Variants in MCPH1 observed in about 807,000 individuals in gnomAD.
The protein encoded by MCPH1 is microcephalin.
MCPH1 carries 104 observed loss-of-function variants against 84.5 expected under a neutral mutation model. That is an observed-to-expected ratio of 1.23 (90% CI 1.05 to 1.45). MCPH1 has a LOEUF of 1.45. Among genes scored for constraint, MCPH1 ranks in the 40% most tolerant of loss-of-function variants. MCPH1 has a pLI of 0.00. For synonymous variants in MCPH1, 514 were observed against 366.8 expected (o/e 1.40, Z -4.58); for missense variants, 1,498 against 1,005.7 (o/e 1.49, Z -6.62).
intron 12 of MCPH1, among the ~76,000 whole-genome samples, chr8:6,609,726 C>T (rs1830089273): frequency 6.6e-6 from 1 of 151,554 alleles, no homozygotes. Flanking sequence ...GAGTGAGCCA[C>T]TTCTCATTTC....
intron 13 of MCPH1, chr8:6,624,867 T>C: frequency 1.0e-6 from 1 of 983,648 alleles, no homozygotes; most frequent in Non-Finnish European, 1.2e-6. Flanking sequence ...CAGAAACAAA[T>C]CATATACTTT....
intron 12 of MCPH1, among the ~76,000 whole-genome samples, chr8:6,533,352 G>C (rs1303354903): frequency 6.6e-6 from 1 of 152,204 alleles, no homozygotes; most frequent in Non-Finnish European, 1.5e-5. Context: ...CAAGACAACT[G>C]AGTACGTGGG....
intron 8 of MCPH1, 61 bp from the exon 9 acceptor site, chr8:6,455,082 G>A: frequency 7.7e-7 from 1 of 1,293,556 alleles, no homozygotes; most frequent in Non-Finnish European, 1.1e-6. Flanking sequence ...TTTTTGTTTT[G>A]CTTAAGTTGT....
intron 12 of MCPH1, among the ~76,000 whole-genome samples, chr8:6,533,832 C>A (rs1287601310): frequency 2.0e-5 from 3 of 152,032 alleles, no homozygotes; most frequent in Admixed American, 6.6e-5. Flanking sequence ...AAATGTTAAC[C>A]ACTAAATAAT....
chr8:6,531,330 C>G (rs1170048234), intron 12 of MCPH1, among the ~76,000 whole-genome samples: 1 of 150,930 alleles, frequency 6.6e-6, no homozygotes, highest in East Asian at 1.9e-4. Flanking sequence ...ACTCTGTTGC[C>G]CAGGCTGGAG....
intron 9 of MCPH1, among the ~76,000 whole-genome samples, chr8:6,469,853 A>C (rs893950357): frequency 6.6e-6 from 1 of 152,108 alleles, no homozygotes; most frequent in Non-Finnish European, 1.5e-5. Flanking sequence ...CTGCTCCCTC[A>C]TCTCTACTCC....
At chr8:6,530,096 T>C (rs938916427) in intron 12 of MCPH1, among the ~76,000 whole-genome samples, 1 of 152,210 alleles carries the variant, frequency 6.6e-6, no homozygotes, top group African/African-American at 2.4e-5. Context: ...TTAAAAATGC[T>C]TATGAGACAT....
At chr8:6,605,254 G>T (rs1829666675) in intron 12 of MCPH1, among the ~76,000 whole-genome samples, 1 of 152,174 alleles carries the variant, frequency 6.6e-6, no homozygotes. Context: ...GCTAGAATCT[G>T]TCCTTCCTGA....
intron 5 of MCPH1, among the ~76,000 whole-genome samples, chr8:6,436,982 A>G (rs1356591911): frequency 6.6e-6 from 1 of 152,110 alleles, no homozygotes; most frequent in Non-Finnish European, 1.5e-5. Context: ...AAAAAAAAGA[A>G]TATTATGAAA....
At chr8:6,613,775 C>G (rs1034676067) in intron 12 of MCPH1, among the ~76,000 whole-genome samples, 1 of 152,056 alleles carries the variant, frequency 6.6e-6, no homozygotes, top group African/African-American at 2.4e-5. Context: ...CGTCTAGCAG[C>G]ACGGGGTGTG....
At chr8:6,503,774 G>A (rs1463929631) in intron 12 of MCPH1, among the ~76,000 whole-genome samples, 1 of 152,280 alleles carries the variant, frequency 6.6e-6, no homozygotes, top group East Asian at 1.9e-4. Flanking sequence ...AGACAAAAAG[G>A]AAATTTAAAG....
chr8:6,514,990 C>T (rs1815969718), intron 12 of MCPH1, among the ~76,000 whole-genome samples: 1 of 152,120 alleles, frequency 6.6e-6, no homozygotes, highest in Non-Finnish European at 1.5e-5. Flanking sequence ...GAAACATAAA[C>T]AGTAATATAA....
In MCPH1 at chr8:6,470,827, A is replaced by T. The variant is rs565638361; in HGVS notation, c.1936-6767A>T. Among the ~76,000 whole-genome samples the T allele has an allele frequency of 2.1e-3, 325 of 152,356 alleles. 2 individuals are homozygous for T. Among genetic ancestry groups the T allele is most frequent in the African/African-American group, 7.6e-3 (316 of 41,580 alleles). ...GTAGAAAATGTAAAGAGGGTTGTTA[A>T]ACTGAAGGAGTGTTGTCTCAAACTG... On this transcript the variant is annotated intron_variant, in intron 9 of 13. Transcript: ENST00000344683.
intron 12 of MCPH1, among the ~76,000 whole-genome samples, chr8:6,595,514 G>T (rs1282066009): frequency 6.6e-6 from 1 of 152,232 alleles, no homozygotes; most frequent in Non-Finnish European, 1.5e-5. Context: ...TGAGCCAGTG[G>T]GGAAGAGGAG....
Position 6,571,433 on chromosome 8 carries a change from G to T in MCPH1, c.2215-50021G>T, listed in dbSNP as rs148900019. ...AAATCCATTTCATAAATGTTGTCGAGATCTCAAACTCCGTTGCTTCTAAAA... is the reference window on the plus strand; with the variant it reads ...AAATCCATTTCATAAATGTTGTCGATATCTCAAACTCCGTTGCTTCTAAAA... On this transcript the variant is annotated intron_variant, in intron 12 of 13. Coordinates refer to ENST00000344683, the MANE Select transcript of MCPH1 (RefSeq NM_024596.5). 4.7e-4 allele frequency among the ~76,000 whole-genome samples: 72 copies of T among 152,196 alleles called. 1 individual carries two copies. The East Asian group carries it at 0.014, about 29-fold the overall frequency.
intron 7 of MCPH1, 22 bp from the exon 8 acceptor site, chr8:6,444,371 G>C (rs1803944153): frequency 6.2e-7 from 1 of 1,613,758 alleles, no homozygotes; most frequent in Non-Finnish European, 8.5e-7. Context: ...TTAAAAGTTA[G>C]CTCTCCGTTA....
intron 12 of MCPH1, chr8:6,562,716 G>A (rs371777232): frequency 5.3e-5 from 85 of 1,613,240 alleles, no homozygotes; most frequent in Non-Finnish European, 6.8e-5. Context: ...CCGAGTCATC[G>A]TATTCGAGCG....
intron 12 of MCPH1, among the ~76,000 whole-genome samples, chr8:6,574,273 C>T (rs1826886497): frequency 6.6e-6 from 1 of 152,130 alleles, no homozygotes; most frequent in Admixed American, 6.5e-5. Flanking sequence ...CCCTCTGAAA[C>T]CTATAGGGGG....
chr8:6,413,895 C>T (rs577705243), intron 2 of MCPH1, among the ~76,000 whole-genome samples: 2 of 152,014 alleles, frequency 1.3e-5, no homozygotes, highest in African/African-American at 2.4e-5. Context: ...GCTGAGACTA[C>T]AGGCACGAAC....
Sources: allele counts gnomAD v4.1 joint callset (sites outside exome capture counted in the v4.1 genomes callset), GRCh38; gene constraint gnomAD v4.1.1; transcripts MANE v1.5; gene names NCBI Gene and HGNC (gene_info 2026-07-23, HGNC 2026-07-21).